COX7B2: variants seen among roughly 807,000 people sequenced by gnomAD.
COX7B2 encodes cytochrome c oxidase subunit 7B2.
For missense variants in COX7B2, 109 were observed against 95.9 expected (o/e 1.14, Z -0.57); for synonymous variants, 37 against 32.1 (o/e 1.15, Z -0.51).
intron 2 of COX7B2, among the ~76,000 whole-genome samples, chr4:46,815,084 G>A (rs1330040457): frequency 6.6e-6 from 1 of 151,930 alleles, no homozygotes; most frequent in South Asian, 2.1e-4. Flanking sequence ...TACTCAGGAA[G>A]CTGAGACAGG....
At chr4:46,826,511 A>G (rs1714702408) in intron 2 of COX7B2, among the ~76,000 whole-genome samples, 1 of 151,936 alleles carries the variant, frequency 6.6e-6, no homozygotes, top group Non-Finnish European at 1.5e-5. Flanking sequence ...CAACAATTCC[A>G]TTATTCCCCA....
rs372893490 is a variant in COX7B2, at chr4:46,855,066, G to A, written c.-104-10052C>T. Among the ~76,000 whole-genome samples, 4 of 152,212 alleles carry A rather than the reference G, an allele frequency of 2.6e-5. No individual in the cohort carries two copies. The East Asian group carries it at 5.8e-4, about 22-fold the overall frequency. On this transcript the variant is annotated intron_variant, in intron 1 of 2. Transcript: ENST00000355591. ...TATTAGGCCAGGTGCGGTGCCTCACGTCTGTAATCCCAGCACTTTGGGAGG... is the reference window on the plus strand; with the variant it reads ...TATTAGGCCAGGTGCGGTGCCTCACATCTGTAATCCCAGCACTTTGGGAGG...
chr4:46,765,221 A>G (rs73139338), intron 2 of COX7B2, among the ~76,000 whole-genome samples: 46 of 152,300 alleles, frequency 3.0e-4, no homozygotes, highest in African/African-American at 1.1e-3. Flanking sequence ...GACACACAGA[A>G]TAAGAAAAGA....
At chr4:46,871,340 C>A (rs1213903408) in intron 1 of COX7B2, among the ~76,000 whole-genome samples, 2 of 152,030 alleles carry the variant, frequency 1.3e-5, no homozygotes, top group African/African-American at 2.4e-5. Flanking sequence ...CAAAAATCAA[C>A]TAAATATGGA....
rs998865246 is a variant in COX7B2, at chr4:46,750,642, C to T, written c.-49-15401G>A. The stretch of plus-strand genomic sequence containing the variant: ...ACTTCTTTGATACCACTTCTTCAGT[C>T]TGCCTAGGCTGCCCAAACAAAATAC... On this transcript the variant is annotated intron_variant, in intron 2 of 2. Coordinates refer to ENST00000355591, the MANE Select transcript of COX7B2 (RefSeq NM_130902.3). Among the ~76,000 whole-genome samples, 8 of 152,238 alleles carry T rather than the reference C, an allele frequency of 5.3e-5. No individual in the cohort carries two copies. The East Asian group carries it at 1.5e-3, about 29-fold the overall frequency.
At chr4:46,793,999 C>A (rs1718188878) in intron 2 of COX7B2, among the ~76,000 whole-genome samples, 1 of 152,142 alleles carries the variant, frequency 6.6e-6, no homozygotes, top group African/African-American at 2.4e-5. Context: ...GAAGCAACTG[C>A]CATGAAAGAC....
chr4:46,747,098 T>A (rs1280503371), intron 2 of COX7B2, among the ~76,000 whole-genome samples: 1 of 152,106 alleles, frequency 6.6e-6, no homozygotes, highest in Non-Finnish European at 1.5e-5. Flanking sequence ...TAACATTTGT[T>A]ATACAAGTAA....
intron 2 of COX7B2, among the ~76,000 whole-genome samples, chr4:46,830,572 A>G (rs1338779160): frequency 1.3e-5 from 2 of 152,228 alleles, no homozygotes; most frequent in Non-Finnish European, 2.9e-5. Flanking sequence ...TATTCTAGAC[A>G]TAGTTTGAAG....
At chr4:46,819,408 C>T (rs562016035) in intron 2 of COX7B2, among the ~76,000 whole-genome samples, 3 of 152,198 alleles carry the variant, frequency 2.0e-5, no homozygotes, top group African/African-American at 7.2e-5. Context: ...AAAGAGACAA[C>T]AATTACAAAC....
At chr4:46,871,706 T>C (rs569039644) in intron 1 of COX7B2, among the ~76,000 whole-genome samples, 34 of 150,028 alleles carry the variant, frequency 2.3e-4, no homozygotes, top group Non-Finnish European at 4.6e-4. Context: ...AAGACATACA[T>C]GTGGCCAAAC....
At chr4:46,770,694 T>G (rs568663449) in intron 2 of COX7B2, among the ~76,000 whole-genome samples, 6 of 152,152 alleles carry the variant, frequency 3.9e-5, no homozygotes, top group South Asian at 4.1e-4. Flanking sequence ...TCAATTGATC[T>G]CCAACAAAAG....
At chr4:46,809,281 G>A (rs1276951010) in intron 2 of COX7B2, among the ~76,000 whole-genome samples, 1 of 151,492 alleles carries the variant, frequency 6.6e-6, no homozygotes, top group Non-Finnish European at 1.5e-5. Flanking sequence ...TATTCTTTAT[G>A]TGATTTATTT....
At chr4:46,786,862 A>G (rs1355101977) in intron 2 of COX7B2, among the ~76,000 whole-genome samples, 1 of 152,200 alleles carries the variant, frequency 6.6e-6, no homozygotes, top group African/African-American at 2.4e-5. Context: ...CTAAGAGAGT[A>G]TGATAGGAGG....
intron 1 of COX7B2, among the ~76,000 whole-genome samples, chr4:46,880,996 A>T (rs1018789665): frequency 3.3e-5 from 5 of 149,916 alleles, no homozygotes; most frequent in South Asian, 2.1e-4. Flanking sequence ...AGTATAATAA[A>T]AAAAAAAAAA....
intron 1 of COX7B2, 95 bp downstream of exon 1, chr4:46,909,065 A>G (rs1188535806): frequency 6.6e-6 from 1 of 152,248 alleles, no homozygotes; most frequent in Non-Finnish European, 1.5e-5. Context: ...AAAAATTTCA[A>G]AATATTTCCT....
In COX7B2 at chr4:46,781,474, ATCT is replaced by A. The variant is rs561814703; in HGVS notation, c.-49-46236_-49-46234del. On this transcript the variant is annotated intron_variant, in intron 2 of 2. Transcript: ENST00000355591. ...GCCCTTCTCAAGATTTGGTTTTCAA[ATCT>A]TCTTTTCAATCCTTTCCTACACATA... is the stretch of plus-strand genomic sequence containing the variant. Among the ~76,000 whole-genome samples, 191 of 152,310 alleles carry A rather than the reference ATCT, an allele frequency of 1.3e-3. 1 individual carries two copies. Among genetic ancestry groups the A allele is most frequent in the African/African-American group, 4.3e-3 (177 of 41,562 alleles).
intron 2 of COX7B2, among the ~76,000 whole-genome samples, chr4:46,749,321 C>G (rs990979775): frequency 2.0e-5 from 3 of 152,062 alleles, no homozygotes; most frequent in Non-Finnish European, 4.4e-5. Context: ...TAACTTTTCT[C>G]TATCCAAAAT....
At chr4:46,785,372 G>A (rs1296653911) in intron 2 of COX7B2, among the ~76,000 whole-genome samples, 2 of 151,448 alleles carry the variant, frequency 1.3e-5, no homozygotes, top group African/African-American at 4.9e-5. Context: ...ATCTGATAGA[G>A]CAATTTTTTT....
At chr4:46,737,749 A>T (rs961697032) in intron 2 of COX7B2, among the ~76,000 whole-genome samples, 2 of 152,128 alleles carry the variant, frequency 1.3e-5, no homozygotes, top group Non-Finnish European at 2.9e-5. Flanking sequence ...GACATATCTT[A>T]ACTGTGGCCC....
Sources: gnomAD v4.1 joint callset for allele counts (sites outside exome capture counted in the v4.1 genomes callset) on GRCh38, gnomAD v4.1.1 for gene constraint, MANE v1.5 for transcripts, NCBI Gene and HGNC (gene_info 2026-07-23, HGNC 2026-07-21) for gene names.